LPP: variants seen among roughly 807,000 people sequenced by gnomAD.
LPP encodes the protein LIM domain containing preferred translocation partner in lipoma.
Under a neutral mutation model 60.4 loss-of-function variants are expected in LPP, and 38 were observed. The observed-to-expected ratio is 0.63, with a 90% CI of 0.49 to 0.83. LPP has a LOEUF of 0.83. Ranked by LOEUF, LPP falls within the 40% of genes least tolerant of loss-of-function variation. The probability of loss-of-function intolerance (pLI) is 0.00; values close to 1 mark genes in which losing one functional copy is unlikely to be tolerated. For synonymous variants in LPP, 328 were observed against 290.8 expected (o/e 1.13, Z -1.30); for missense variants, 902 against 783.6 (o/e 1.15, Z -1.80).
intron 9 of LPP, among the ~76,000 whole-genome samples, chr3:188,825,269 C>CTCTG (rs1463318065): frequency 0.018 from 1,843 of 101,644 alleles, 56 homozygotes; most frequent in Admixed American, 0.082. Context: ...CTCTCTCTCT[C>CTCTG]TGTGTGTGTG....
chr3:188,538,493 T>C lies in LPP; in HGVS notation c.429+13706T>C, dbSNP rs1369106181. ...ATGCAAGTCAAACCACAACGAGATA[T>C]CACTTCACGCTCACTAAGGTGGCTA... On this transcript the variant is annotated intron_variant, in intron 6 of 11. Transcript: ENST00000617246. Among the ~76,000 whole-genome samples the C allele has an allele frequency of 2.6e-5, 4 of 152,246 alleles. No individual in the cohort carries two copies. In the East Asian group the frequency reaches 5.8e-4, roughly 22 times the overall value.
intron 5 of LPP, among the ~76,000 whole-genome samples, chr3:188,495,549 C>CA (rs1436163380): frequency 6.6e-6 from 1 of 152,008 alleles, no homozygotes; most frequent in African/African-American, 2.4e-5. Context: ...CTTAAATCCT[C>CA]AAAAAGCAGC....
Position 188,545,230 on chromosome 3 carries a change from T to G in LPP, c.429+20443T>G, listed in dbSNP as rs1350456652. Among the ~76,000 whole-genome samples the G allele has an allele frequency of 1.3e-4, 18 of 134,214 alleles. No homozygotes were observed. The Admixed American group carries it at 1.4e-3, about 10-fold the overall frequency. 88.0% of individuals were successfully genotyped at this position (134,214 alleles called of 152,430 possible). On this transcript the variant is annotated intron_variant, in intron 6 of 11. Coordinates refer to ENST00000617246, the MANE Select transcript of LPP (RefSeq NM_001375462.1). The stretch of plus-strand genomic sequence containing the variant: ...GTAACTAACCTGCACAATGTGCACA[T>G]GTACCCTAAAACTTAAAGTATAATT...
rs1770864528 is a variant in LPP, at chr3:188,887,910, A to G, written c.*13431A>G. 1 of 210,904 alleles carries G rather than the reference A, an allele frequency of 4.7e-6. No homozygotes were observed. Among genetic ancestry groups the G allele is most frequent in the South Asian group, 1.9e-4 (1 of 5,350 alleles). 13.1% of individuals were successfully genotyped at this position (210,904 alleles called of 1,614,324 possible). A position where few individuals can be genotyped will look rare whatever the true frequency, so the allele number is the denominator to read the frequency against. On this transcript the variant is annotated 3_prime_UTR_variant, in exon 12 of 12. Coordinates refer to ENST00000617246, the MANE Select transcript of LPP (RefSeq NM_001375462.1). The stretch of plus-strand genomic sequence containing the variant: ...CATTTCTTTATTAGGCAAAGTCAGA[A>G]TATTTCCCCTCTGAAAATCTGAATT...
chr3:188,344,997 C>G (rs1243265328), intron 3 of LPP, among the ~76,000 whole-genome samples: 1 of 152,130 alleles, frequency 6.6e-6, no homozygotes, highest in East Asian at 1.9e-4. Context: ...ATCAGAATGT[C>G]AAAGCCAGAG....
At chr3:188,641,601 A>C (rs1246008314) in intron 7 of LPP, among the ~76,000 whole-genome samples, 2 of 152,238 alleles carry the variant, frequency 1.3e-5, no homozygotes, top group Non-Finnish European at 1.5e-5. Context: ...CAGGATGCGT[A>C]TCCCATTTTA....
At chr3:188,623,410 A>G (rs1213190762) in intron 7 of LPP, among the ~76,000 whole-genome samples, 5 of 152,000 alleles carry the variant, frequency 3.3e-5, no homozygotes, top group African/African-American at 1.2e-4. Context: ...AGCATGCGCC[A>G]CCATAATCAG....
intron 3 of LPP, 115 bp from the exon 4 acceptor site, chr3:188,405,997 C>T (rs1426450392): frequency 3.7e-6 from 3 of 811,066 alleles, no homozygotes; most frequent in South Asian, 2.4e-5. Flanking sequence ...CCCTTCTTTC[C>T]AGAGAACTTT....
intron 1 of LPP, among the ~76,000 whole-genome samples, chr3:188,199,421 C>T (rs533590588): frequency 1.2e-4 from 19 of 152,054 alleles, no homozygotes; most frequent in African/African-American, 4.6e-4. Context: ...GAAAATACAA[C>T]GGAGGCTCCT....
intron 9 of LPP, among the ~76,000 whole-genome samples, chr3:188,837,738 A>T (rs926363671): frequency 1.3e-5 from 2 of 152,162 alleles, no homozygotes; most frequent in African/African-American, 4.8e-5. Flanking sequence ...TATTTTAAAT[A>T]TCATCATTAC....
intron 6 of LPP, among the ~76,000 whole-genome samples, chr3:188,538,440 A>T (rs1212135066): frequency 6.6e-6 from 1 of 152,210 alleles, no homozygotes; most frequent in Non-Finnish European, 1.5e-5. Context: ...CTAGGAAAAG[A>T]TGCTGGACAT....
chr3:188,290,305 A>C (rs1351353648), intron 2 of LPP, among the ~76,000 whole-genome samples: 1 of 152,022 alleles, frequency 6.6e-6, no homozygotes, highest in Admixed American at 6.6e-5. Context: ...CTGTTTAGGG[A>C]CAGATGCCGA....
At chr3:188,676,731 C>T (rs1042197156) in intron 7 of LPP, among the ~76,000 whole-genome samples, 1 of 152,138 alleles carries the variant, frequency 6.6e-6, no homozygotes, top group Non-Finnish European at 1.5e-5. Flanking sequence ...TAGACAGACT[C>T]TAAGGTGCCC....
chr3:188,179,034 GAGAC>G (rs1723989128), intron 1 of LPP: 1 of 254,318 alleles, frequency 3.9e-6, no homozygotes, highest in Non-Finnish European at 7.7e-6. Flanking sequence ...GGGAGGGAGA[GAGAC>G]AGAGAGAGAG....
chr3:188,760,991 A>AC (rs1199672937), intron 9 of LPP, among the ~76,000 whole-genome samples: 3 of 151,642 alleles, frequency 2.0e-5, no homozygotes, highest in Non-Finnish European at 4.4e-5. Context: ...TACTTAATCT[A>AC]CCTGTTAAAC....
At chr3:188,315,953 A>G (rs558315699) in intron 2 of LPP, among the ~76,000 whole-genome samples, 2 of 152,354 alleles carry the variant, frequency 1.3e-5, no homozygotes, top group East Asian at 3.9e-4. Flanking sequence ...TCTCAAATCA[A>G]GTATACCTGG....
chr3:188,662,263 A>T (rs1341758655), intron 7 of LPP, among the ~76,000 whole-genome samples: 1 of 152,198 alleles, frequency 6.6e-6, no homozygotes, highest in Non-Finnish European at 1.5e-5. Flanking sequence ...TGCTAGCCTT[A>T]TTTATCCTGA....
chr3:188,503,416 AT>A (rs1238854183), intron 5 of LPP, among the ~76,000 whole-genome samples: 3 of 152,308 alleles, frequency 2.0e-5, no homozygotes, highest in South Asian at 2.1e-4. Context: ...ATTTAAAAAA[AT>A]ATTAGTTTCT....
At chr3:188,384,534 GT>G (rs1387683283) in intron 3 of LPP, among the ~76,000 whole-genome samples, 1 of 152,120 alleles carries the variant, frequency 6.6e-6, no homozygotes, top group African/African-American at 2.4e-5. Flanking sequence ...GCTCACGCCT[GT>G]AATCCCAGCA....
Sources: gnomAD v4.1 joint callset for allele counts (sites outside exome capture counted in the v4.1 genomes callset) on GRCh38, gnomAD v4.1.1 for gene constraint, MANE v1.5 for transcripts, NCBI Gene and HGNC (gene_info 2026-07-23, HGNC 2026-07-21) for gene names.